Variants in RIMS1 observed in about 807,000 individuals in gnomAD.
RIMS1 encodes regulating synaptic membrane exocytosis protein 1.
In RIMS1, 83 loss-of-function variants were observed where a neutral mutation model predicts 214.1. That is an observed-to-expected ratio of 0.39 (90% confidence interval 0.32 to 0.47). The LOEUF (loss-of-function observed/expected upper bound fraction) is 0.47. Among genes scored for constraint, RIMS1 ranks in the 20% least tolerant of loss-of-function variants. RIMS1 has a pLI of 0.99. For synonymous variants in RIMS1, 793 were observed against 786.8 expected (o/e 1.01, Z -0.13); for missense variants, 2,050 against 2,161.8 (o/e 0.95, Z 1.03).
At chr6:72,340,072 A>C (rs2097000977) in intron 29 of RIMS1, among the ~76,000 whole-genome samples, 1 of 152,150 alleles carries the variant, frequency 6.6e-6, no homozygotes, top group Admixed American at 6.6e-5. Context: ...TTTTGGCTGC[A>C]TAAATGTCTT....
intron 29 of RIMS1, among the ~76,000 whole-genome samples, chr6:72,382,302 C>A (rs908080414): frequency 9.2e-5 from 14 of 152,064 alleles, no homozygotes; most frequent in Non-Finnish European, 4.4e-5. Context: ...TGGCACAACA[C>A]AAAAGGAACA....
chr6:72,041,628 C>T (rs1271273366), intron 2 of RIMS1, among the ~76,000 whole-genome samples: 1 of 151,902 alleles, frequency 6.6e-6, no homozygotes, highest in African/African-American at 2.4e-5. Context: ...CTCACTCCCT[C>T]TTCCATGCAA....
intron 29 of RIMS1, among the ~76,000 whole-genome samples, chr6:72,377,380 G>A (rs559405407): frequency 6.6e-6 from 1 of 152,292 alleles, no homozygotes; most frequent in South Asian, 2.1e-4. Flanking sequence ...GGCCATTGAG[G>A]CAGGAAATTC....
chr6:72,033,482 AT>A (rs1012999375), intron 2 of RIMS1, among the ~76,000 whole-genome samples: 2 of 151,854 alleles, frequency 1.3e-5, no homozygotes, highest in African/African-American at 2.4e-5. Flanking sequence ...AAAATTGCCA[AT>A]TTTTTTTCCT....
At chr6:72,122,446 T>G (rs2038591162) in intron 4 of RIMS1, among the ~76,000 whole-genome samples, 1 of 151,604 alleles carries the variant, frequency 6.6e-6, no homozygotes, top group Non-Finnish European at 1.5e-5. Flanking sequence ...GACCTCATGA[T>G]CCACCCGCCT....
intron 4 of RIMS1, among the ~76,000 whole-genome samples, chr6:72,108,824 A>G (rs1326304380): frequency 1.4e-5 from 2 of 147,714 alleles, no homozygotes; most frequent in African/African-American, 4.9e-5. Context: ...AGCATTAGGT[A>G]TATCTCCTAA....
chr6:72,317,945 G>A (rs776677911), intron 28 of RIMS1, among the ~76,000 whole-genome samples: 48 of 152,028 alleles, frequency 3.2e-4, no homozygotes, highest in Non-Finnish European at 5.9e-4. Context: ...TTGTCTTTCT[G>A]GCGATTTAAC....
chr6:72,188,755 A>G (rs2049555591), intron 6 of RIMS1, among the ~76,000 whole-genome samples: 1 of 152,184 alleles, frequency 6.6e-6, no homozygotes, highest in Non-Finnish European at 1.5e-5. Context: ...GGGCTGTTGT[A>G]GTTTTCCATT....
At chr6:72,191,458 A>G (rs1588856138) in intron 6 of RIMS1, among the ~76,000 whole-genome samples, 1 of 152,248 alleles carries the variant, frequency 6.6e-6, no homozygotes. Flanking sequence ...TTGCTACTTC[A>G]TGCTCACAGG....
intron 4 of RIMS1, among the ~76,000 whole-genome samples, chr6:72,104,801 A>T (rs533753806): frequency 9.2e-5 from 14 of 152,166 alleles, no homozygotes; most frequent in African/African-American, 2.6e-4. Flanking sequence ...TTTTTTTTTA[A>T]AAAATAATTT....
At chr6:72,372,269 A>T (rs2098243035) in intron 29 of RIMS1, among the ~76,000 whole-genome samples, 1 of 152,216 alleles carries the variant, frequency 6.6e-6, no homozygotes, top group African/African-American at 2.4e-5. Context: ...ATCTCATTCA[A>T]CAATTGAGAT....
intron 6 of RIMS1, among the ~76,000 whole-genome samples, chr6:72,185,651 C>T (rs1156307210): frequency 6.6e-6 from 1 of 152,112 alleles, no homozygotes; most frequent in Non-Finnish European, 1.5e-5. Flanking sequence ...CTTCTTTTAC[C>T]ACATGGATCC....
intron 2 of RIMS1, among the ~76,000 whole-genome samples, chr6:72,019,488 G>C (rs992364379): frequency 2.0e-5 from 3 of 152,140 alleles, no homozygotes; most frequent in African/African-American, 7.2e-5. Context: ...CTTTGCAGGT[G>C]TTATAGCGAT....
chr6:72,325,000 AAG>A (rs2096384777), intron 28 of RIMS1, among the ~76,000 whole-genome samples: 1 of 151,946 alleles, frequency 6.6e-6, no homozygotes, highest in Non-Finnish European at 1.5e-5. Flanking sequence ...TAAAAAGCTG[AAG>A]AGTTATATAT....
intron 11 of RIMS1, among the ~76,000 whole-genome samples, chr6:72,246,984 T>G (rs540310290): frequency 1.3e-5 from 2 of 152,130 alleles, no homozygotes; most frequent in African/African-American, 4.8e-5. Context: ...TTTGTACTTA[T>G]AGAAAAAAAT....
intron 5 of RIMS1, among the ~76,000 whole-genome samples, chr6:72,181,247 A>G (rs2048357241): frequency 6.6e-6 from 1 of 152,210 alleles, no homozygotes; most frequent in Admixed American, 6.5e-5. Context: ...TTTGTAAGAT[A>G]CTCAGGAGTT....
chr6:71,995,371 T>G (rs1286568878), intron 2 of RIMS1, among the ~76,000 whole-genome samples: 6 of 152,092 alleles, frequency 3.9e-5, no homozygotes, highest in African/African-American at 1.4e-4. Flanking sequence ...TAAATCACTA[T>G]CCCCTTTTAC....
intron 23 of RIMS1, among the ~76,000 whole-genome samples, chr6:72,275,121 TATATATATATATATATATATA>T (rs2085543927): frequency 0.013 from 2 of 160 alleles, no homozygotes; most frequent in East Asian, 0.12. Context: ...TATTTTATGG[TATATATATATATATATATATA>T]TATATATATA....
chr6:72,263,765 A>C (rs1244049139), intron 19 of RIMS1: 1 of 946,116 alleles, frequency 1.1e-6, no homozygotes, highest in Non-Finnish European at 1.3e-6. Flanking sequence ...GGAGTTTGAG[A>C]CCAGTGTGGC....
Sources: gnomAD v4.1 joint callset for allele counts (sites outside exome capture counted in the v4.1 genomes callset) on GRCh38, gnomAD v4.1.1 for gene constraint, MANE v1.5 for transcripts, NCBI Gene and HGNC (gene_info 2026-07-23, HGNC 2026-07-21) for gene names.